The following TENM2 variants were observed in gnomAD, a reference collection of about 807,000 sequenced individuals.
TENM2 encodes teneurin transmembrane protein 2, also known as teneurin-2.
Under a neutral mutation model 245.2 loss-of-function variants are expected in TENM2, and 52 were observed. The ratio of observed to expected loss-of-function variants is 0.21; its 90% CI spans 0.17 to 0.27. TENM2 has a LOEUF of 0.27. Ranked by LOEUF, TENM2 falls within the 10% of genes least tolerant of loss-of-function variation. The pLI, the probability that TENM2 is intolerant of heterozygous loss-of-function variation, is 1.00. For synonymous variants in TENM2, 1,363 were observed against 1,438.9 expected, an observed-to-expected ratio of 0.95 and a Z score of 1.19; for missense variants, 3,046 against 3,666.8, an observed-to-expected ratio of 0.83 and a Z score of 4.37.
intron 2 of TENM2, among the ~76,000 whole-genome samples, chr5:167,518,248 T>C (rs1184591127): frequency 6.6e-6 from 1 of 152,128 alleles, no homozygotes; most frequent in Non-Finnish European, 1.5e-5. Context: ...TGACATTCAC[T>C]TTCTGTCTAA....
chr5:167,799,089 T>A (rs1765519539), intron 2 of TENM2, among the ~76,000 whole-genome samples: 1 of 152,108 alleles, frequency 6.6e-6, no homozygotes, highest in Non-Finnish European at 1.5e-5. Context: ...GCCCCTATAG[T>A]GGCCCTCCTG....
intron 1 of TENM2, among the ~76,000 whole-genome samples, chr5:167,358,004 C>T (rs547466889): frequency 5.9e-5 from 9 of 152,222 alleles, no homozygotes; most frequent in South Asian, 4.1e-4. Flanking sequence ...TGCAACATCA[C>T]GGTCCCACTG....
intron 3 of TENM2, among the ~76,000 whole-genome samples, chr5:167,939,856 G>A (rs1779034701): frequency 6.6e-6 from 1 of 152,198 alleles, no homozygotes; most frequent in African/African-American, 2.4e-5. Context: ...CTTTAGCAAA[G>A]ATTCTTTGAT....
chr5:167,926,225 T>C (rs985369715), intron 3 of TENM2, among the ~76,000 whole-genome samples: 34 of 152,096 alleles, frequency 2.2e-4, no homozygotes, highest in Non-Finnish European at 4.3e-4. Flanking sequence ...AAAATGAAAA[T>C]CACCTGTATT....
intron 12 of TENM2, among the ~76,000 whole-genome samples, chr5:168,143,900 A>G (rs1394793624): frequency 7.7e-6 from 1 of 130,260 alleles, no homozygotes; most frequent in African/African-American, 3.0e-5. Context: ...CCCAGGCTGG[A>G]GAGCAGTGGC....
chr5:167,975,791 AATAG>A (rs1229391545), intron 4 of TENM2, among the ~76,000 whole-genome samples: 2 of 152,186 alleles, frequency 1.3e-5, no homozygotes, highest in East Asian at 3.9e-4. Context: ...CAAATGGGAA[AATAG>A]ATAGTAATAG....
At chr5:168,025,403 G>T (rs1581094067) in intron 5 of TENM2, among the ~76,000 whole-genome samples, 1 of 152,176 alleles carries the variant, frequency 6.6e-6, no homozygotes, top group Non-Finnish European at 1.5e-5. Flanking sequence ...CTTGGAAATT[G>T]GTTTGGAAAG....
At chr5:167,222,160 T>G in the TENM2 span, among the ~76,000 whole-genome samples, 1 of 152,154 alleles carries the variant, frequency 6.6e-6, no homozygotes, top group African/African-American at 2.4e-5. Context: ...TCAAAGCACG[T>G]GCCTTAATTT....
intron 1 of TENM2, among the ~76,000 whole-genome samples, chr5:167,338,405 T>A (rs1330747468): frequency 6.6e-6 from 1 of 152,204 alleles, no homozygotes; most frequent in African/African-American, 2.4e-5. Context: ...CACTCCCCAC[T>A]GTCCTTGCTC....
intron 3 of TENM2, among the ~76,000 whole-genome samples, chr5:167,906,736 A>G (rs777166120): frequency 1.3e-5 from 2 of 152,124 alleles, no homozygotes; most frequent in South Asian, 2.1e-4. Flanking sequence ...TTCAATGTGA[A>G]TGGTGCCCCC....
rs1561883995 is a variant in TENM2, at chr5:167,350,912, T to TA, written c.227-24286_227-24285insA. Among the ~76,000 whole-genome samples the TA allele has an allele frequency of 9.9e-4, 85 of 85,582 alleles. 1 individual carries two copies. The highest frequency in any genetic ancestry group is 5.0e-3 in the East Asian group (13 of 2,622). 56.1% of individuals were successfully genotyped at this position (85,582 alleles called of 152,430 possible). A position where few individuals can be genotyped will look rare whatever the true frequency, so the allele number is the denominator to read the frequency against. On this transcript the variant is annotated intron_variant, in intron 1 of 28. Transcript: ENST00000518659. ...GGATGTATACATATGGATATATATA[T>TA]GGGATATATACATATGGATATATAT...
intron 19 of TENM2, 146 bp downstream of exon 21, chr5:168,204,767 A>C: frequency 9.3e-7 from 1 of 1,072,142 alleles, no homozygotes; most frequent in South Asian, 1.7e-5. Flanking sequence ...TCAAATAAGG[A>C]GGTGGGAAAA....
chr5:167,143,029 G>A, the TENM2 span, among the ~76,000 whole-genome samples: 4 of 152,282 alleles, frequency 2.6e-5, no homozygotes, highest in African/African-American at 9.6e-5. Context: ...TAGTCACATG[G>A]CAGAAGTCTG....
At chr5:167,562,358 A>C (rs559610758) in intron 2 of TENM2, among the ~76,000 whole-genome samples, 22 of 152,292 alleles carry the variant, frequency 1.4e-4, no homozygotes, top group South Asian at 6.2e-4. Context: ...GAAACAATAC[A>C]ATTACGGACC....
chr5:167,495,407 A>T (rs952521572), intron 2 of TENM2, among the ~76,000 whole-genome samples: 1 of 152,006 alleles, frequency 6.6e-6, no homozygotes, highest in Non-Finnish European at 1.5e-5. Flanking sequence ...CAGTCAAAAG[A>T]TCACAAGGGT....
At chr5:168,016,668 C>A (rs56117649) in intron 5 of TENM2, among the ~76,000 whole-genome samples, 12,807 of 152,172 alleles carry the variant, frequency 0.084, 758 homozygotes, top group East Asian at 0.27. Context: ...AATCCCCAAG[C>A]ACCTTCTCAG....
At chr5:167,213,875 A>C in the TENM2 span, among the ~76,000 whole-genome samples, 1 of 152,234 alleles carries the variant, frequency 6.6e-6, no homozygotes, top group African/African-American at 2.4e-5. Flanking sequence ...TATAAAAATG[A>C]CCTACTTATG....
intron 5 of TENM2, among the ~76,000 whole-genome samples, chr5:168,035,270 G>A (rs1787559241): frequency 6.6e-6 from 1 of 152,212 alleles, no homozygotes; most frequent in African/African-American, 2.4e-5. Flanking sequence ...TACTGTGGGA[G>A]CAGATGACCT....
intron 1 of TENM2, among the ~76,000 whole-genome samples, chr5:167,291,558 G>C (rs1259143582): frequency 6.6e-6 from 1 of 152,206 alleles, no homozygotes; most frequent in Non-Finnish European, 1.5e-5. Flanking sequence ...TTATTTTGCT[G>C]TTTTCAGCAG....
Sources: allele counts gnomAD v4.1 joint callset (sites outside exome capture counted in the v4.1 genomes callset), GRCh38; gene constraint gnomAD v4.1.1; transcripts MANE v1.5; gene names NCBI Gene and HGNC (gene_info 2026-07-23, HGNC 2026-07-21).